PAQR3: variants seen among roughly 807,000 people sequenced by gnomAD.
PAQR3 encodes progestin and adipoQ receptor family member 3, also known as Raf kinase trapping to Golgi.
PAQR3 carries 39 observed loss-of-function variants against 41.7 expected under a neutral mutation model. The ratio of observed to expected loss-of-function variants is 0.93; its 90% CI spans 0.72 to 1.22. The LOEUF (loss-of-function observed/expected upper bound fraction) is 1.22. PAQR3 is among the 50% of genes most tolerant of loss of function. PAQR3 has a pLI of 0.00. For missense variants in PAQR3, 366 were observed against 385.6 expected (o/e 0.95, Z 0.42); for synonymous variants, 140 against 140.6 (o/e 1.00, Z 0.03).
intron 11 of PAQR3, among the ~76,000 whole-genome samples, chr4:78,905,632 A>G (rs893200326): frequency 6.6e-6 from 1 of 151,920 alleles, no homozygotes; most frequent in African/African-American, 2.4e-5. Context: ...AAATATGGGG[A>G]TTATTAGGAT....
chr4:78,902,192 T>C (rs1470049269), intron 11 of PAQR3, among the ~76,000 whole-genome samples: 1 of 152,184 alleles, frequency 6.6e-6, no homozygotes, highest in Non-Finnish European at 1.5e-5. Flanking sequence ...AAAGGTTCAC[T>C]GACTTGCTTA....
Position 78,918,805 on chromosome 4 carries a change from G to C in PAQR3, c.*1734C>G. The stretch of plus-strand genomic sequence containing the variant: ...TGTAACTACTCAGTGTCTTTTGTTT[G>C]GCCAAAATGACAAAATATCTATTAA... On this transcript the variant is annotated 3_prime_UTR_variant, in exon 6 of 6. Transcript: ENST00000512733. 4 of 984,412 alleles carry C rather than the reference G, an allele frequency of 4.1e-6. No homozygotes were observed. The highest frequency in any genetic ancestry group is 4.8e-6 in the Non-Finnish European group (4 of 829,312). The allele number at this position is 984,412 out of a possible 1,614,324, so 61.0% of individuals were successfully genotyped here. A position where few individuals can be genotyped will look rare whatever the true frequency, so the allele number is the denominator to read the frequency against.
chr4:78,930,082 G>T, intron 3 of PAQR3, 88 bp downstream of exon 3: 1 of 1,251,922 alleles, frequency 8.0e-7, no homozygotes, highest in South Asian at 1.5e-5. Flanking sequence ...AGTTAATTAT[G>T]TACTTATTCA....
At chr4:78,910,954 G>C, downstream of PAQR3, 1 of 1,613,670 alleles carries the variant, frequency 6.2e-7, no homozygotes, top group Non-Finnish European at 8.5e-7. Flanking sequence ...ACATAGCTCT[G>C]ATTCTGATTA....
chr4:78,928,602 C>T (rs533511567), intron 3 of PAQR3, among the ~76,000 whole-genome samples: 73 of 152,288 alleles, frequency 4.8e-4, no homozygotes, highest in Admixed American at 3.4e-3. Flanking sequence ...TTCTACACTG[C>T]GGCCGATCTT....
At chr4:78,900,984 CCT>C (rs1483780314) in intron 11 of PAQR3, among the ~76,000 whole-genome samples, 1 of 151,892 alleles carries the variant, frequency 6.6e-6, no homozygotes, top group Non-Finnish European at 1.5e-5. Context: ...ATTATAAAAC[CCT>C]GAGTTAAAAA....
chr4:78,893,438 C>G (rs187553333), intron 11 of PAQR3, among the ~76,000 whole-genome samples: 26 of 152,254 alleles, frequency 1.7e-4, no homozygotes, highest in Admixed American at 7.2e-4. Flanking sequence ...CCTGTTCTTA[C>G]GAATCACGAA....
chr4:78,890,257 G>A (rs1471872853), intron 11 of PAQR3, among the ~76,000 whole-genome samples: 1 of 151,690 alleles, frequency 6.6e-6, no homozygotes, highest in Non-Finnish European at 1.5e-5. Context: ...TTCACTTCTG[G>A]CATTTTAATA....
rs1347936568 is a variant in PAQR3 at position 78,917,015 on chromosome 4, AAATG to A, written c.*3520_*3523del. The A allele has an allele frequency of 6.6e-6, 1 of 151,974 alleles. No homozygotes were observed. The highest frequency in any genetic ancestry group is 2.4e-5 in the African/African-American group (1 of 41,436). 9.4% of individuals were successfully genotyped at this position (151,974 alleles called of 1,614,324 possible). A position where few individuals can be genotyped will look rare whatever the true frequency, so the allele number is the denominator to read the frequency against. On this transcript the variant is annotated 3_prime_UTR_variant, in exon 6 of 6. Coordinates refer to ENST00000512733, the MANE Select transcript of PAQR3 (RefSeq NM_001040202.2). Reference sequence around the variant, plus strand: ...AAGGGGCTTTGTATCTTTTTAATGAAAATGAATGGTACAAAGCAAAATAACACAA... The same window carrying A: ...AAGGGGCTTTGTATCTTTTTAATGAAAATGGTACAAAGCAAAATAACACAA...
downstream of PAQR3, among the ~76,000 whole-genome samples, chr4:78,907,354 A>G (rs1313115382): frequency 2.0e-5 from 3 of 152,204 alleles, no homozygotes; most frequent in Admixed American, 2.0e-4. Context: ...TTGAATAATG[A>G]AAACAGTAAA....
intron 11 of PAQR3, among the ~76,000 whole-genome samples, chr4:78,889,403 T>C (rs1733302423): frequency 1.3e-5 from 2 of 152,100 alleles, no homozygotes; most frequent in Non-Finnish European, 2.9e-5. Context: ...AAGTGATCAC[T>C]GTGCAATATT....
exon 13 of PAQR3, chr4:78,887,164 AT>A: frequency 1.3e-6 from 2 of 1,543,336 alleles, no homozygotes; most frequent in African/African-American, 2.7e-5. Flanking sequence ...GTTTCATCTT[AT>A]TTTTGCAGAT....
Position 78,939,318 on chromosome 4 carries a change from G to A in PAQR3, c.-94C>T. 1.6e-6 allele frequency: 2 copies of A among 1,217,374 alleles called. No homozygotes were observed. Among genetic ancestry groups the A allele is most frequent in the Middle Eastern group, 2.9e-4 (1 of 3,440 alleles). The allele number at this position is 1,217,374 out of a possible 1,614,324, so 75.4% of individuals were successfully genotyped here. ...TCGCCGCTGGCGCCCCCGCCCCGGAGCCCGCGGACGCTGCGCGAGGTCCTA... is the reference window on the plus strand; with the variant it reads ...TCGCCGCTGGCGCCCCCGCCCCGGAACCCGCGGACGCTGCGCGAGGTCCTA... On this transcript the variant is annotated 5_prime_UTR_variant, in exon 1 of 6. Transcript: ENST00000512733.
rs1185450260 is a variant in PAQR3 at position 78,914,281 on chromosome 4, C to T, written c.*6258G>A. On this transcript the variant is annotated 3_prime_UTR_variant, in exon 6 of 6. Coordinates refer to ENST00000512733, the MANE Select transcript of PAQR3 (RefSeq NM_001040202.2). ...TAAATGATTCTGACACTGATGTAGACCCTTTGACTTATAAATTCTGAGGAA... is the reference window on the plus strand; with the variant it reads ...TAAATGATTCTGACACTGATGTAGATCCTTTGACTTATAAATTCTGAGGAA... 6.6e-6 allele frequency: 1 copy of T among 151,984 alleles called. No homozygotes were observed. The highest frequency in any genetic ancestry group is 1.5e-5 in the Non-Finnish European group (1 of 67,940). 9.4% of individuals were successfully genotyped at this position (151,984 alleles called of 1,614,324 possible).
intron 12 of PAQR3, chr4:78,887,364 AGACTCTGATGTTAGT>A: frequency 9.8e-7 from 1 of 1,021,502 alleles, no homozygotes; most frequent in South Asian, 1.4e-5. Context: ...AGTGGAAGTA[AGACTCTGATGTTAGT>A]TAGCTACAGA....
Position 78,918,972 on chromosome 4 carries a change from C to T in PAQR3, c.*1567G>A. The T allele has an allele frequency of 1.0e-6, 1 of 984,932 alleles. No homozygotes were observed. The highest frequency in any genetic ancestry group is 4.7e-5 in the South Asian group (1 of 21,288). The allele number at this position is 984,932 out of a possible 1,614,324, so 61.0% of individuals were successfully genotyped here. On this transcript the variant is annotated 3_prime_UTR_variant, in exon 6 of 6. Coordinates refer to ENST00000512733, the MANE Select transcript of PAQR3 (RefSeq NM_001040202.2). ...GTAAAACAGCCATTTTCAAAGCAGCCTTCCATCATAACGATGGGTAAGACA... is the reference window on the plus strand; with the variant it reads ...GTAAAACAGCCATTTTCAAAGCAGCTTTCCATCATAACGATGGGTAAGACA...
chr4:78,926,407 T>C (rs1305646448), intron 4 of PAQR3, 114 bp downstream of exon 4: 2 of 823,070 alleles, frequency 2.4e-6, no homozygotes, highest in Non-Finnish European at 3.8e-6. Context: ...ATTACAAATA[T>C]GTTCTCAAAT....
At chr4:78,890,163 A>T (rs1235742353) in intron 11 of PAQR3, among the ~76,000 whole-genome samples, 1 of 151,938 alleles carries the variant, frequency 6.6e-6, no homozygotes, top group Non-Finnish European at 1.5e-5. Context: ...ATTTAACAAG[A>T]TTTGAAATGG....
In PAQR3 at chr4:78,914,717, C is replaced by G. The variant is rs1734896462; in HGVS notation, c.*5822G>C. ...AGGTTATTATATATGTACCACTAAG[C>G]AAATATATATATATATATATATTTG... On this transcript the variant is annotated 3_prime_UTR_variant, in exon 6 of 6. Transcript: ENST00000512733. 6.8e-6 allele frequency: 1 copy of G among 148,078 alleles called. No homozygotes were observed. Among genetic ancestry groups the G allele is most frequent in the Non-Finnish European group, 1.5e-5 (1 of 67,114 alleles). 9.2% of individuals were successfully genotyped at this position (148,078 alleles called of 1,614,324 possible).
Sources: allele counts gnomAD v4.1 joint callset (sites outside exome capture counted in the v4.1 genomes callset), GRCh38; gene constraint gnomAD v4.1.1; transcripts MANE v1.5; gene names NCBI Gene and HGNC (gene_info 2026-07-23, HGNC 2026-07-21).